The following TMOD3 variants were observed in gnomAD, a reference collection of about 807,000 sequenced individuals.
The protein encoded by TMOD3 is tropomodulin 3, also known as tropomodulin-3.
A neutral mutation model predicts 39.2 loss-of-function variants in TMOD3; 20 were observed. That is an observed-to-expected ratio of 0.51 (90% CI 0.36 to 0.74). The LOEUF (loss-of-function observed/expected upper bound fraction) is 0.74. TMOD3 is among the 30% of genes least tolerant of loss of function. The pLI is 0.00. For synonymous variants in TMOD3, 143 were observed against 145.8 expected (o/e 0.98, Z 0.14); for missense variants, 381 against 412.8 (o/e 0.92, Z 0.67).
intron 2 of TMOD3, among the ~76,000 whole-genome samples, chr15:51,864,595 T>TGG (rs2056435759): frequency 1.3e-5 from 2 of 152,038 alleles, no homozygotes; most frequent in African/African-American, 4.8e-5. Flanking sequence ...CCTAGATTGG[T>TGG]CAGGAGGCAA....
chr15:51,839,163 C>CTTTTTTTTTTTTTTTTTTTT lies in TMOD3; in HGVS notation c.-75+9328_-75+9329insTTTTTTTTTTTTTTTTTTTT, dbSNP rs111813783. Among the ~76,000 whole-genome samples the CTTTTTTTTTTTTTTTTTTTT allele has an allele frequency of 1.2e-3, 132 of 109,764 alleles. 17 individuals carry two copies. The highest frequency in any genetic ancestry group is 3.2e-3 in the South Asian group (11 of 3,464). 72.0% of individuals were successfully genotyped at this position (109,764 alleles called of 152,430 possible). On this transcript the variant is annotated intron_variant, in intron 1 of 9. Coordinates refer to ENST00000308580, the MANE Select transcript of TMOD3 (RefSeq NM_014547.5). ...TGACAGCTAAGAAATAGGTGTATCT[C>CTTTTTTTTTTTTTTTTTTTT]TCTTTTTTTTTTTTTCCATTTTGTT... is the stretch of plus-strand genomic sequence containing the variant.
At chr15:51,868,335 C>T (rs929593726) in intron 2 of TMOD3, among the ~76,000 whole-genome samples, 5 of 152,022 alleles carry the variant, frequency 3.3e-5, no homozygotes, top group Admixed American at 1.3e-4. Context: ...TCAGGGATAC[C>T]TGTGCAGGTT....
intron 1 of TMOD3, among the ~76,000 whole-genome samples, chr15:51,852,929 G>A (rs2056369722): frequency 6.6e-6 from 1 of 152,158 alleles, no homozygotes; most frequent in African/African-American, 2.4e-5. Flanking sequence ...GGAGTAGCTG[G>A]CCAGCCAGCT....
intron 9 of TMOD3, among the ~76,000 whole-genome samples, chr15:51,903,141 T>C (rs576694330): frequency 6.6e-6 from 1 of 152,230 alleles, no homozygotes; most frequent in Non-Finnish European, 1.5e-5. Flanking sequence ...CTAAAAGGAC[T>C]GTTGTGGAAC....
intron 3 of TMOD3, among the ~76,000 whole-genome samples, chr15:51,871,000 GCTTTACTTAGAGT>G (rs1374268036): frequency 1.3e-5 from 2 of 151,898 alleles, no homozygotes; most frequent in Non-Finnish European, 1.5e-5. Context: ...AGGTTAATTG[GCTTTACTTAGAGT>G]CTGCTGATTT....
Position 51,902,019 on chromosome 15 carries a change from C to G in TMOD3, c.1007C>G (p.Thr336Arg), listed in dbSNP as rs1219477868. ...GPRTRAANAI[T>R]KNNDLVRKRR... ...CGAACCAGAGCAGCTAATGCTATAACAAAAAACAATGACTTAGGTAAGACA... is the reference window on the plus strand; with the variant it reads ...CGAACCAGAGCAGCTAATGCTATAAGAAAAAACAATGACTTAGGTAAGACA... Residue 336 changes from threonine to arginine, a missense_variant, in exon 9 of 10, where the codon ACA becomes AGA. By Grantham distance (71) the Thr-to-Arg change is moderately conservative. Coordinates refer to ENST00000308580, the MANE Select transcript of TMOD3 (RefSeq NM_014547.5). 4 of 1,613,250 alleles carry G rather than the reference C, an allele frequency of 2.5e-6. No individual in the cohort carries two copies. The highest frequency in any genetic ancestry group is 3.4e-6 in the Non-Finnish European group (4 of 1,179,796).
At chr15:51,890,835 A>G (rs1026561615) in intron 5 of TMOD3, among the ~76,000 whole-genome samples, 3 of 152,234 alleles carry the variant, frequency 2.0e-5, no homozygotes, top group African/African-American at 7.2e-5. Context: ...TCAAACACAC[A>G]TAGAAGAAGA....
chr15:51,837,596 A>G (rs2056292903), intron 1 of TMOD3, among the ~76,000 whole-genome samples: 1 of 152,006 alleles, frequency 6.6e-6, no homozygotes, highest in Non-Finnish European at 1.5e-5. Context: ...CTTGGTGAAA[A>G]ATTACAGAAC....
intron 5 of TMOD3, chr15:51,892,492 T>G (rs1426428963): frequency 6.6e-6 from 1 of 152,212 alleles, no homozygotes; most frequent in Non-Finnish European, 1.5e-5. Flanking sequence ...AGGTAAAGAT[T>G]AGGGAGTGAG....
chr15:51,904,824 C>T (rs2056670097), intron 9 of TMOD3, among the ~76,000 whole-genome samples: 1 of 152,112 alleles, frequency 6.6e-6, no homozygotes, highest in Non-Finnish European at 1.5e-5. Flanking sequence ...TTTATGTTGT[C>T]TCTGAGCAAT....
intron 2 of TMOD3, among the ~76,000 whole-genome samples, chr15:51,865,803 G>T (rs1185881228): frequency 6.6e-6 from 1 of 152,150 alleles, no homozygotes; most frequent in Non-Finnish European, 1.5e-5. Context: ...GGTCGAAGGT[G>T]TGTGTGGTAC....
At chr15:51,903,307 C>A (rs1344475647) in intron 9 of TMOD3, among the ~76,000 whole-genome samples, 2 of 152,160 alleles carry the variant, frequency 1.3e-5, no homozygotes, top group Non-Finnish European at 2.9e-5. Context: ...TACATGTTTC[C>A]AAAAGTTGAC....
At chr15:51,874,865 G>A (rs1344850334) in intron 3 of TMOD3, among the ~76,000 whole-genome samples, 1 of 152,112 alleles carries the variant, frequency 6.6e-6, no homozygotes, top group African/African-American at 2.4e-5. Context: ...GACTCACCCG[G>A]TATGGGCTCC....
At chr15:51,845,425 G>C (rs1204637338) in intron 1 of TMOD3, among the ~76,000 whole-genome samples, 1 of 152,176 alleles carries the variant, frequency 6.6e-6, no homozygotes, top group African/African-American at 2.4e-5. Context: ...TCAGTCTGAT[G>C]CTGGGAGCTA....
chr15:51,853,654 TAAC>T (rs1474067693), intron 1 of TMOD3, among the ~76,000 whole-genome samples: 7 of 152,074 alleles, frequency 4.6e-5, no homozygotes. Flanking sequence ...ATAAAGATAA[TAAC>T]AACAGTTTGG....
At chr15:51,906,818 C>A (rs1015977598) in intron 9 of TMOD3, among the ~76,000 whole-genome samples, 3 of 151,910 alleles carry the variant, frequency 2.0e-5, no homozygotes, top group African/African-American at 7.3e-5. Context: ...GTCAGGAGTT[C>A]GAGACCAGCC....
In TMOD3 at chr15:51,901,571, TA is replaced by T. The variant is rs1163202800; in HGVS notation, c.880-320del. 8.6e-5 allele frequency: 14 copies of T among 162,278 alleles called. No homozygotes were observed. The Middle Eastern group carries it at 8.0e-3, about 93-fold the overall frequency. 10.1% of individuals were successfully genotyped at this position (162,278 alleles called of 1,614,324 possible). On this transcript the variant is annotated intron_variant, in intron 8 of 9. Coordinates refer to ENST00000308580, the MANE Select transcript of TMOD3 (RefSeq NM_014547.5). ...TCATATTACTGAACTTTAAAAAGTTTAGTGTGTGTGTGTGTGTGTGTGTGTG... is the reference window on the plus strand; with the variant it reads ...TCATATTACTGAACTTTAAAAAGTTTGTGTGTGTGTGTGTGTGTGTGTGTG...
intron 9 of TMOD3, among the ~76,000 whole-genome samples, chr15:51,906,647 A>G (rs1372013863): frequency 6.6e-6 from 1 of 152,124 alleles, no homozygotes; most frequent in East Asian, 1.9e-4. Flanking sequence ...TATAACATGC[A>G]TTATAGCATC....
Position 51,854,453 on chromosome 15 carries a change from G to A in TMOD3, c.-74-8358G>A, listed in dbSNP as rs369228494. ...TTAAAGAGAGAATGGATAAGAATCT[G>A]AAAACTCTGAGCCCACCCTATGGAA... On this transcript the variant is annotated intron_variant, in intron 1 of 9. Transcript: ENST00000308580. Among the ~76,000 whole-genome samples, 9 of 152,296 alleles carry A rather than the reference G, an allele frequency of 5.9e-5. No homozygotes were observed. The East Asian group carries it at 1.2e-3, about 20-fold the overall frequency.
Sources: gnomAD v4.1 joint callset for allele counts (sites outside exome capture counted in the v4.1 genomes callset) on GRCh38, gnomAD v4.1.1 for gene constraint, MANE v1.5 for transcripts, NCBI Gene and HGNC (gene_info 2026-07-23, HGNC 2026-07-21) for gene names.